PCCA: variants seen among roughly 807,000 people sequenced by gnomAD.
PCCA encodes the protein propionyl-CoA carboxylase subunit alpha, also known as propionyl-CoA carboxylase alpha chain, mitochondrial.
PCCA carries 74 observed loss-of-function variants against 101.3 expected under a neutral mutation model. That is an observed-to-expected ratio of 0.73 (90% CI 0.61 to 0.89). PCCA has a LOEUF of 0.89. Ranked by LOEUF, PCCA falls within the 40% of genes least tolerant of loss-of-function variation. The pLI, the probability that PCCA is intolerant of heterozygous loss-of-function variation, is 0.00. For synonymous variants in PCCA, 294 were observed against 313.6 expected, an observed-to-expected ratio of 0.94 and a Z score of 0.66; for missense variants, 891 against 907.0, an observed-to-expected ratio of 0.98 and a Z score of 0.23.
At chr13:100,321,111 A>T (rs1016775322) in intron 16 of PCCA, among the ~76,000 whole-genome samples, 1 of 152,204 alleles carries the variant, frequency 6.6e-6, no homozygotes, top group Non-Finnish European at 1.5e-5. Context: ...CTTCCCAGCC[A>T]GGAAAATCTG....
At chr13:100,514,956 T>TA (rs1406984661) in intron 21 of PCCA, among the ~76,000 whole-genome samples, 1 of 152,236 alleles carries the variant, frequency 6.6e-6, no homozygotes, top group Non-Finnish European at 1.5e-5. Flanking sequence ...TGTCTTAACT[T>TA]ACTGATACGT....
intron 2 of PCCA, among the ~76,000 whole-genome samples, chr13:100,108,504 A>T (rs2048017353): frequency 1.3e-5 from 2 of 152,138 alleles, no homozygotes; most frequent in Admixed American, 1.3e-4. Flanking sequence ...TCCTAAGCAT[A>T]CCATGCGCTT....
chr13:100,202,341 G>T (rs1435750537), intron 6 of PCCA, among the ~76,000 whole-genome samples: 1 of 151,978 alleles, frequency 6.6e-6, no homozygotes. Context: ...TCCACGAAAA[G>T]AACATAAAAT....
At chr13:100,193,611 C>G (rs988794818) in intron 6 of PCCA, among the ~76,000 whole-genome samples, 5 of 152,068 alleles carry the variant, frequency 3.3e-5, no homozygotes, top group African/African-American at 1.2e-4. Flanking sequence ...CATTTTTAAA[C>G]TTAGAATTGT....
chr13:100,174,284 G>A lies in PCCA; in HGVS notation c.468+16944G>A, dbSNP rs540262626. 1.8e-4 allele frequency among the ~76,000 whole-genome samples: 28 copies of A among 151,956 alleles called. No individual in the cohort carries two copies. The South Asian group carries it at 5.8e-3, about 32-fold the overall frequency. ...TTTGATTGAAATTCTTTTTTACGAA[G>A]CCCTGAGGGTTCTAAAAAGCTCGAG... On this transcript the variant is annotated intron_variant, in intron 6 of 23. Coordinates refer to ENST00000376285, the MANE Select transcript of PCCA (RefSeq NM_000282.4).
chr13:100,163,055 T>C (rs980384030), intron 6 of PCCA, among the ~76,000 whole-genome samples: 2 of 152,318 alleles, frequency 1.3e-5, no homozygotes, highest in African/African-American at 2.4e-5. Flanking sequence ...TGTGGAATAC[T>C]AAATGCTCTA....
chr13:100,311,612 A>G (rs2066922278), intron 16 of PCCA, among the ~76,000 whole-genome samples: 1 of 151,802 alleles, frequency 6.6e-6, no homozygotes, highest in African/African-American at 2.4e-5. Context: ...TCTAGTAAAA[A>G]TACAAAAATT....
chr13:100,221,669 C>A (rs1277590468), intron 7 of PCCA, among the ~76,000 whole-genome samples: 1 of 151,890 alleles, frequency 6.6e-6, no homozygotes, highest in Non-Finnish European at 1.5e-5. Context: ...GACGCCACAG[C>A]TGAACCTGCA....
intron 22 of PCCA, among the ~76,000 whole-genome samples, chr13:100,525,174 G>T (rs1441040582): frequency 6.6e-5 from 10 of 152,170 alleles, no homozygotes; most frequent in Non-Finnish European, 1.5e-5. Context: ...GCTGTGCTTG[G>T]ATGGGGCAGA....
intron 20 of PCCA, among the ~76,000 whole-genome samples, chr13:100,428,479 C>T (rs1241173112): frequency 6.6e-6 from 1 of 151,794 alleles, no homozygotes; most frequent in Non-Finnish European, 1.5e-5. Flanking sequence ...CATCACAAAG[C>T]TAGGAAGAAG....
intron 4 of PCCA, among the ~76,000 whole-genome samples, chr13:100,137,123 A>G (rs9585356): frequency 0.16 from 24,812 of 151,934 alleles, 2,131 homozygotes; most frequent in Middle Eastern, 0.24. Flanking sequence ...CACATAGGTT[A>G]TTTAAAATTG....
rs753595587 is a variant in PCCA at position 100,425,624 on chromosome 13, T to TC, written c.1747-8dup. On this transcript the variant is annotated splice_polypyrimidine_tract_variant and intron_variant, in intron 19 of 23. Transcript: ENST00000376285. ...TTCATGGTAATGGTCTTATTTGGTG[T>TC]CACAACAGGTGGAAGTTGATGGGTC... 7.5e-6 allele frequency: 12 copies of TC among 1,596,176 alleles called. No homozygotes were observed. The Middle Eastern group carries it at 1.5e-3, about 198-fold the overall frequency.
At chr13:100,525,254 A>G (rs745475744) in intron 22 of PCCA, among the ~76,000 whole-genome samples, 15 of 152,160 alleles carry the variant, frequency 9.9e-5, no homozygotes, top group Admixed American at 2.0e-4. Context: ...GACTCTCACA[A>G]TCAGACAGAA....
At chr13:100,169,702 A>ATTT (rs10659778) in intron 6 of PCCA, among the ~76,000 whole-genome samples, 61 of 135,318 alleles carry the variant, frequency 4.5e-4, no homozygotes, top group South Asian at 4.0e-3. Flanking sequence ...TAATTTCTGT[A>ATTT]TTTTTTTTTT....
At position 100,476,935 on chromosome 13, in the gene PCCA, T is replaced by C. The variant is rs559989693; in HGVS notation, c.1899+27630T>C. ...TGAAGCTCGTCACTTTATTCTGCCA[T>C]ATTTTAGTTTTGTGGTATTAAATCT... On this transcript the variant is annotated intron_variant, in intron 21 of 23. Transcript: ENST00000376285. 3.9e-5 allele frequency among the ~76,000 whole-genome samples: 6 copies of C among 152,356 alleles called. No homozygotes were observed. In the South Asian group the frequency reaches 1.2e-3, roughly 32 times the overall value.
chr13:100,236,176 T>G (rs2060789458), intron 8 of PCCA, among the ~76,000 whole-genome samples: 1 of 152,206 alleles, frequency 6.6e-6, no homozygotes, highest in Non-Finnish European at 1.5e-5. Context: ...TTAATGTCAA[T>G]TTATATGTAC....
In PCCA at chr13:100,305,834, CGTAA is replaced by C. The variant is rs770278958; in HGVS notation, c.1285-1355_1285-1352del. On this transcript the variant is annotated intron_variant, in intron 14 of 23. Transcript: ENST00000376285. Reference sequence around the variant, plus strand: ...AGAAAATAGAAAGCCAAGTATATTTCGTAAGTGTGCTGAATGATTTTTGTTTATA... The same window carrying C: ...AGAAAATAGAAAGCCAAGTATATTTCGTGTGCTGAATGATTTTTGTTTATA... 7 of 447,430 alleles carry C rather than the reference CGTAA, an allele frequency of 1.6e-5. No individual in the cohort carries two copies. The Admixed American group carries it at 1.8e-4, about 12-fold the overall frequency. The allele number at this position is 447,430 out of a possible 1,614,324, so 27.7% of individuals were successfully genotyped here.
At chr13:100,267,364 A>G (rs986584603) in intron 10 of PCCA, among the ~76,000 whole-genome samples, 18 of 152,188 alleles carry the variant, frequency 1.2e-4, no homozygotes, top group Admixed American at 3.3e-4. Flanking sequence ...GCTTGGAATC[A>G]TTCTTGAGTT....
intron 22 of PCCA, 34 bp downstream of exon 22, chr13:100,515,601 C>T (rs1287276592): frequency 1.2e-6 from 2 of 1,610,032 alleles, no homozygotes; most frequent in East Asian, 2.2e-5. Flanking sequence ...GCAGGACATG[C>T]TGGTCTCCAA....
Sources: gnomAD v4.1 joint callset for allele counts (sites outside exome capture counted in the v4.1 genomes callset) on GRCh38, gnomAD v4.1.1 for gene constraint, MANE v1.5 for transcripts, NCBI Gene and HGNC (gene_info 2026-07-23, HGNC 2026-07-21) for gene names.